ACSS3: variants seen among roughly 807,000 people sequenced by gnomAD.
ACSS3 encodes acyl-CoA synthetase short-chain family member 3, mitochondrial.
In ACSS3, 64 loss-of-function variants were observed where a neutral mutation model predicts 84.2. That is an observed-to-expected ratio of 0.76 (90% CI 0.62 to 0.94). ACSS3 has a LOEUF of 0.94. Ranked by LOEUF, ACSS3 falls within the 40% of genes least tolerant of loss-of-function variation. ACSS3 has a pLI of 0.00. For synonymous variants in ACSS3, 317 were observed against 310.1 expected, an observed-to-expected ratio of 1.02 and a Z score of -0.23; for missense variants, 815 against 867.6, an observed-to-expected ratio of 0.94 and a Z score of 0.76.
chr12:81,119,609 C>G (rs1370431373), intron 2 of ACSS3, among the ~76,000 whole-genome samples: 1 of 152,024 alleles, frequency 6.6e-6, no homozygotes, highest in African/African-American at 2.4e-5. Context: ...ATATTCCTTG[C>G]TAGGAAAAGA....
chr12:81,106,873 A>G (rs1300190117), intron 1 of ACSS3, among the ~76,000 whole-genome samples: 1 of 152,064 alleles, frequency 6.6e-6, no homozygotes, highest in African/African-American at 2.4e-5. Context: ...ATATAAATGA[A>G]TATGGAGAGT....
At chr12:81,113,699 T>A (rs1216337718) in intron 2 of ACSS3, among the ~76,000 whole-genome samples, 1 of 152,130 alleles carries the variant, frequency 6.6e-6, no homozygotes, top group Non-Finnish European at 1.5e-5. Context: ...ATGTCTTAGA[T>A]TTAAATTGTA....
chr12:81,182,547 C>T (rs891843347), intron 8 of ACSS3, among the ~76,000 whole-genome samples: 1 of 152,076 alleles, frequency 6.6e-6, no homozygotes, highest in African/African-American at 2.4e-5. Context: ...ATAGCCAATA[C>T]ATTGGTTAGA....
At chr12:81,170,363 CTG>C in intron 7 of ACSS3, among the ~76,000 whole-genome samples, 1 of 152,184 alleles carries the variant, frequency 6.6e-6, no homozygotes. Flanking sequence ...ATTTTGGTAA[CTG>C]TTTTGGTTTC....
rs1463221610 is a variant in ACSS3 at position 81,259,630 on chromosome 12, C to CTTTA, written c.*4709_*4712dup. ...GCTCGTCTTCTTAGATGGTAGTGCACTTTAGGTAGAGTAGACTGAAAAGAC... is the reference window on the plus strand; with the variant it reads ...GCTCGTCTTCTTAGATGGTAGTGCACTTTATTTAGGTAGAGTAGACTGAAAAGAC... On this transcript the variant is annotated 3_prime_UTR_variant, in exon 16 of 16. Transcript: ENST00000548058. 3.9e-6 allele frequency: 6 copies of CTTTA among 1,533,886 alleles called. No individual in the cohort carries two copies. Among genetic ancestry groups the CTTTA allele is most frequent in the Admixed American group, 3.9e-5 (2 of 50,940 alleles).
At chr12:81,136,614 G>A (rs1787684518) in intron 3 of ACSS3, among the ~76,000 whole-genome samples, 1 of 152,078 alleles carries the variant, frequency 6.6e-6, no homozygotes, top group Admixed American at 6.6e-5. Flanking sequence ...AAAAGAATCT[G>A]AGTCAAGCAG....
chr12:81,108,508 A>C (rs532913660), intron 1 of ACSS3, among the ~76,000 whole-genome samples: 1 of 151,776 alleles, frequency 6.6e-6, no homozygotes. Context: ...TGAACTTCTG[A>C]CCTCGTGATC....
Position 81,206,646 on chromosome 12 carries a change from CATT to C in ACSS3, c.1354+7206_1354+7208del, listed in dbSNP as rs544851196. 3.9e-4 allele frequency among the ~76,000 whole-genome samples: 59 copies of C among 152,144 alleles called. No homozygotes were observed. The Middle Eastern group carries it at 0.017, about 44-fold the overall frequency. On this transcript the variant is annotated intron_variant, in intron 9 of 15. Transcript: ENST00000548058. Reference sequence around the variant, plus strand: ...GTGAGAGAGAAAAGAAGCCCTATGTCATTATTGTTGCCTGGCAACAGCATTTTT... The same window carrying C: ...GTGAGAGAGAAAAGAAGCCCTATGTCATTGTTGCCTGGCAACAGCATTTTT...
At chr12:81,228,229 A>G (rs2033336453) in intron 11 of ACSS3, among the ~76,000 whole-genome samples, 1 of 151,896 alleles carries the variant, frequency 6.6e-6, no homozygotes, top group African/African-American at 2.4e-5. Context: ...TGGGAAACAT[A>G]CAGACAAGTT....
intron 2 of ACSS3, among the ~76,000 whole-genome samples, chr12:81,132,233 T>G (rs1885550986): frequency 6.6e-6 from 1 of 152,178 alleles, no homozygotes; most frequent in South Asian, 2.1e-4. Context: ...TCTGGTAGAA[T>G]TTGGCTGTGA....
chr12:81,091,303 C>T (rs1881653506), intron 1 of ACSS3, among the ~76,000 whole-genome samples: 1 of 151,392 alleles, frequency 6.6e-6, no homozygotes, highest in Admixed American at 6.6e-5. Context: ...AAAGTGATAG[C>T]AATCATATAA....
Position 81,256,158 on chromosome 12 carries a change from T to TA in ACSS3, c.*1237dup, listed in dbSNP as rs2034288316. On this transcript the variant is annotated 3_prime_UTR_variant, in exon 16 of 16. Transcript: ENST00000548058. ...GGTGAAGACTGCAGATCACCTGCTATACCTCAAGGAGCAGCGGACCCAGCA... is the reference window on the plus strand; with the variant it reads ...GGTGAAGACTGCAGATCACCTGCTATAACCTCAAGGAGCAGCGGACCCAGCA... 6.6e-6 allele frequency: 1 copy of TA among 152,142 alleles called. No homozygotes were observed. Among genetic ancestry groups the TA allele is most frequent in the Non-Finnish European group, 1.5e-5 (1 of 68,026 alleles). 9.4% of individuals were successfully genotyped at this position (152,142 alleles called of 1,614,324 possible). A position where few individuals can be genotyped will look rare whatever the true frequency, so the allele number is the denominator to read the frequency against.
chr12:81,081,524 A>T (rs7974595), intron 1 of ACSS3, among the ~76,000 whole-genome samples: 74,274 of 151,934 alleles, frequency 0.49, 21,111 homozygotes, highest in Non-Finnish European at 0.65. Flanking sequence ...ACAAAGTGGA[A>T]GTTTCTGGTT....
intron 2 of ACSS3, among the ~76,000 whole-genome samples, chr12:81,127,577 C>A (rs545930666): frequency 6.6e-6 from 1 of 152,230 alleles, no homozygotes; most frequent in Non-Finnish European, 1.5e-5. Context: ...TTTATCCATA[C>A]TTTTAGTAAT....
chr12:81,231,782 G>A (rs1292883593), intron 12 of ACSS3, among the ~76,000 whole-genome samples: 3 of 151,704 alleles, frequency 2.0e-5, no homozygotes, highest in African/African-American at 7.3e-5. Flanking sequence ...ATGGTGATGT[G>A]TGTTATGTTT....
At chr12:81,226,964 T>TAC (rs34439721) in intron 11 of ACSS3, among the ~76,000 whole-genome samples, 6,850 of 148,982 alleles carry the variant, frequency 0.046, 317 homozygotes, top group East Asian at 0.18. Flanking sequence ...CAATAGGATT[T>TAC]ACACACACAC....
chr12:81,109,539 T>A (rs949433251), intron 1 of ACSS3, 21 bp from the exon 2 acceptor site: 9 of 1,599,690 alleles, frequency 5.6e-6, no homozygotes, highest in Non-Finnish European at 7.7e-6. Context: ...CATTCACCTT[T>A]ACTTTCCAAT....
chr12:81,109,130 TC>T (rs112514613), intron 1 of ACSS3, among the ~76,000 whole-genome samples: 7,746 of 152,280 alleles, frequency 0.051, 310 homozygotes, highest in African/African-American at 0.11. Context: ...ATAGAATTTT[TC>T]GGTAAGTTTT....
intron 8 of ACSS3, among the ~76,000 whole-genome samples, chr12:81,188,348 A>G (rs994345563): frequency 6.6e-6 from 1 of 152,046 alleles, no homozygotes; most frequent in Non-Finnish European, 1.5e-5. Context: ...AACTATGCAT[A>G]CATTTATATT....
Sources: allele counts gnomAD v4.1 joint callset (sites outside exome capture counted in the v4.1 genomes callset), GRCh38; gene constraint gnomAD v4.1.1; transcripts MANE v1.5; gene names NCBI Gene and HGNC (gene_info 2026-07-23, HGNC 2026-07-21).